CNTN4: variants seen among roughly 807,000 people sequenced by gnomAD.
CNTN4 encodes the protein contactin-4.
A neutral mutation model predicts 122.5 loss-of-function variants in CNTN4; 77 were observed. That is an observed-to-expected ratio of 0.63 (90% CI 0.52 to 0.76). The LOEUF (loss-of-function observed/expected upper bound fraction) is 0.76. Ranked by LOEUF, CNTN4 falls within the 30% of genes least tolerant of loss-of-function variation. The pLI is 0.00. For missense variants in CNTN4, 1,256 were observed against 1,259.1 expected (o/e 1.00, Z 0.04); for synonymous variants, 512 against 447.0 (o/e 1.15, Z -1.83).
At chr3:2,101,500 G>GCTATCATA (rs2031953505) in intron 2 of CNTN4, among the ~76,000 whole-genome samples, 1 of 152,064 alleles carries the variant, frequency 6.6e-6, no homozygotes, top group Non-Finnish European at 1.5e-5. Context: ...TATTATTTTA[G>GCTATCATA]TTGAATAAGT....
intron 2 of CNTN4, among the ~76,000 whole-genome samples, chr3:2,134,949 G>A (rs1453142743): frequency 6.6e-6 from 1 of 152,126 alleles, no homozygotes; most frequent in Non-Finnish European, 1.5e-5. Flanking sequence ...GACACACCCA[G>A]AAGTACATTT....
At chr3:2,214,162 G>T (rs141950183) in intron 2 of CNTN4, among the ~76,000 whole-genome samples, 15 of 152,254 alleles carry the variant, frequency 9.9e-5, no homozygotes, top group African/African-American at 3.6e-4. Context: ...ATCTCCTGAA[G>T]ATAAGGTGAG....
chr3:2,404,619 C>T (rs960436152), intron 3 of CNTN4, among the ~76,000 whole-genome samples: 1 of 152,100 alleles, frequency 6.6e-6, no homozygotes, highest in African/African-American at 2.4e-5. Flanking sequence ...TTACATTGGG[C>T]CAACTGATTA....
chr3:2,104,045 T>C (rs2032217969), intron 2 of CNTN4, among the ~76,000 whole-genome samples: 1 of 152,222 alleles, frequency 6.6e-6, no homozygotes, highest in Admixed American at 6.5e-5. Flanking sequence ...AATTAGGTAA[T>C]GATATGTATC....
intron 4 of CNTN4, among the ~76,000 whole-genome samples, chr3:2,705,856 T>A: frequency 1.1e-5 from 1 of 90,372 alleles, no homozygotes; most frequent in Non-Finnish European, 1.9e-5. Flanking sequence ...ATATAATATA[T>A]GTGTTTATAT....
intron 4 of CNTN4, among the ~76,000 whole-genome samples, chr3:2,697,906 A>T (rs2086135789): frequency 6.6e-6 from 1 of 152,076 alleles, no homozygotes; most frequent in East Asian, 1.9e-4. Context: ...CTTTAAACTG[A>T]TTGGATGAGG....
intron 3 of CNTN4, among the ~76,000 whole-genome samples, chr3:2,513,511 G>A (rs1020009121): frequency 2.6e-5 from 4 of 151,510 alleles, no homozygotes; most frequent in Admixed American, 2.0e-4. Context: ...TTTTTTTCAG[G>A]GTCCCGAACC....
intron 3 of CNTN4, among the ~76,000 whole-genome samples, chr3:2,440,744 GAATAT>G: frequency 6.7e-6 from 1 of 149,956 alleles, no homozygotes; most frequent in African/African-American, 2.4e-5. Flanking sequence ...GTGTATGAAT[GAATAT>G]ATGTGTGAAT....
At chr3:2,394,784 GTTTTTTTT>G (rs56027529) in intron 3 of CNTN4, among the ~76,000 whole-genome samples, 6 of 108,488 alleles carry the variant, frequency 5.5e-5, no homozygotes, top group Non-Finnish European at 9.1e-5. Context: ...CCTTATATTA[GTTTTTTTT>G]TTTTTTTTTT....
intron 2 of CNTN4, among the ~76,000 whole-genome samples, chr3:2,234,370 C>CAAAAAAAAAAAAAAAAA (rs72401999): frequency 2.7e-4 from 26 of 94,738 alleles, no homozygotes; most frequent in African/African-American, 8.7e-4. Context: ...AAGTCCATCT[C>CAAAAAAAAAAAAAAAAA]AAAAAAAAAA....
intron 4 of CNTN4, among the ~76,000 whole-genome samples, chr3:2,655,577 G>A (rs2083551727): frequency 6.6e-6 from 1 of 152,148 alleles, no homozygotes; most frequent in South Asian, 2.1e-4. Flanking sequence ...GCAGTTGGCA[G>A]GGACTGGCCA....
intron 4 of CNTN4, among the ~76,000 whole-genome samples, chr3:2,651,579 G>A (rs1448542260): frequency 1.3e-5 from 2 of 152,102 alleles, no homozygotes; most frequent in South Asian, 2.1e-4. Flanking sequence ...GGCCAGGCAC[G>A]GTGGCTCATA....
rs1277954398 is a variant in CNTN4, at chr3:2,794,235, G to A, written c.359-25251G>A. Among the ~76,000 whole-genome samples the A allele has an allele frequency of 2.6e-5, 4 of 152,108 alleles. 1 individual carries two copies. The highest frequency in any genetic ancestry group is 4.4e-5 in the Non-Finnish European group (3 of 68,018). ...CATCTGCAAAAAATGTCTGGTGCCC[G>A]ATCCATCAGTAGAAAAAGACTTACA... On this transcript the variant is annotated intron_variant, in intron 6 of 24. Transcript: ENST00000418658.
At chr3:2,898,885 A>G (rs985150716) in intron 10 of CNTN4, among the ~76,000 whole-genome samples, 1 of 152,204 alleles carries the variant, frequency 6.6e-6, no homozygotes, top group African/African-American at 2.4e-5. Context: ...TAGCCATCAA[A>G]TTCTCCAAGC....
chr3:2,654,389 A>T (rs2083488683), intron 4 of CNTN4, among the ~76,000 whole-genome samples: 1 of 152,186 alleles, frequency 6.6e-6, no homozygotes, highest in Admixed American at 6.5e-5. Flanking sequence ...CTACTTTCAA[A>T]ATTATACTGT....
At chr3:2,706,228 A>G (rs970513601) in intron 4 of CNTN4, among the ~76,000 whole-genome samples, 9 of 152,014 alleles carry the variant, frequency 5.9e-5, no homozygotes, top group East Asian at 1.9e-4. Flanking sequence ...ACATCACAAT[A>G]GAATGTATTT....
At chr3:2,602,895 AG>A (rs1271098172) in intron 4 of CNTN4, among the ~76,000 whole-genome samples, 1 of 152,168 alleles carries the variant, frequency 6.6e-6, no homozygotes, top group Admixed American at 6.5e-5. Flanking sequence ...GGCTTAAGTA[AG>A]GGGGGTTCCA....
At chr3:2,384,221 T>C (rs1486134163) in intron 3 of CNTN4, among the ~76,000 whole-genome samples, 1 of 152,160 alleles carries the variant, frequency 6.6e-6, no homozygotes, top group African/African-American at 2.4e-5. Flanking sequence ...TATGTTGTTG[T>C]ACAGGAACAA....
At chr3:2,821,205 C>T (rs1025969779) in intron 7 of CNTN4, among the ~76,000 whole-genome samples, 2 of 152,100 alleles carry the variant, frequency 1.3e-5, no homozygotes, top group African/African-American at 4.8e-5. Flanking sequence ...GATCCACCCA[C>T]CTTGGCCTCC....
Sources: gnomAD v4.1 joint callset for allele counts (sites outside exome capture counted in the v4.1 genomes callset) on GRCh38, gnomAD v4.1.1 for gene constraint, MANE v1.5 for transcripts, NCBI Gene and HGNC (gene_info 2026-07-23, HGNC 2026-07-21) for gene names.